The following SHB variants were observed in gnomAD, a reference collection of about 807,000 sequenced individuals.
The protein encoded by SHB is SH2 domain containing adaptor protein B, also known as SH2 domain-containing adapter protein B.
Under a neutral mutation model 52.3 loss-of-function variants are expected in SHB, and 20 were observed. The ratio of observed to expected loss-of-function variants is 0.38; its 90% CI spans 0.27 to 0.56. SHB has a LOEUF of 0.56. SHB is among the 20% of genes least tolerant of loss of function. SHB has a pLI of 0.71. For synonymous variants in SHB, 397 were observed against 316.5 expected (o/e 1.25, Z -2.70); for missense variants, 825 against 723.3 (o/e 1.14, Z -1.61).
chr9:37,958,849 G>A (rs1832663615), intron 3 of SHB, among the ~76,000 whole-genome samples: 1 of 152,170 alleles, frequency 6.6e-6, no homozygotes, highest in Non-Finnish European at 1.5e-5. Context: ...GGGACATATG[G>A]TCTTGGACAG....
intron 2 of SHB, among the ~76,000 whole-genome samples, chr9:37,990,879 G>A (rs930404653): frequency 7.2e-5 from 11 of 152,190 alleles, no homozygotes; most frequent in African/African-American, 2.2e-4. Flanking sequence ...ATGTTTGGCA[G>A]GATAGAATTA....
intron 1 of SHB, among the ~76,000 whole-genome samples, chr9:38,023,787 C>T (rs1335829809): frequency 6.6e-6 from 1 of 152,136 alleles, no homozygotes; most frequent in African/African-American, 2.4e-5. Context: ...GTGTGACTTG[C>T]CTATGGCCAG....
chr9:38,062,212 C>T (rs1197030635), intron 1 of SHB, among the ~76,000 whole-genome samples: 1 of 152,210 alleles, frequency 6.6e-6, no homozygotes. Flanking sequence ...AGGTTTTGAA[C>T]TCAAGACTGC....
rs1456016102 is a variant in SHB, at chr9:37,918,608, C to T, written c.*1213G>A. 1.3e-5 allele frequency among the ~76,000 whole-genome samples: 2 copies of T among 152,166 alleles called. No homozygotes were observed. The highest frequency in any genetic ancestry group is 2.4e-5 in the African/African-American group (1 of 41,408). On this transcript the variant is annotated 3_prime_UTR_variant, in exon 6 of 6. Coordinates refer to ENST00000377707, the MANE Select transcript of SHB (RefSeq NM_003028.3). The stretch of plus-strand genomic sequence containing the variant: ...CCCTCCTCCATGGGCAGGGTGACAG[C>T]AAGGCCATGCAGAACCAACGAAAGA...
rs966849657 is a variant in SHB, at chr9:38,058,972, CT to C, written c.717+8956del. 3.5e-4 allele frequency among the ~76,000 whole-genome samples: 54 copies of C among 152,352 alleles called. 2 individuals are homozygous for C. The highest frequency in any genetic ancestry group is 2.8e-3 in the Admixed American group (43 of 15,310). ...TTACTTTCCTCCACAGTCCCCACCC[CT>C]GACGTAACTGTATTTACTTGACTCC... On this transcript the variant is annotated intron_variant, in intron 1 of 5. Coordinates refer to ENST00000377707, the MANE Select transcript of SHB (RefSeq NM_003028.3).
intron 4 of SHB, among the ~76,000 whole-genome samples, chr9:37,954,742 T>C (rs139615224): frequency 2.0e-4 from 31 of 152,250 alleles, no homozygotes; most frequent in Admixed American, 1.1e-3. Context: ...ACTGAAAACA[T>C]AGTTTGCAGA....
chr9:37,979,927 T>C (rs1240609369), intron 2 of SHB, among the ~76,000 whole-genome samples: 1 of 152,232 alleles, frequency 6.6e-6, no homozygotes, highest in Non-Finnish European at 1.5e-5. Flanking sequence ...TAAAAAAATG[T>C]AGAACCTTAA....
chr9:38,017,921 C>T (rs2118082206), intron 1 of SHB, among the ~76,000 whole-genome samples: 1 of 152,302 alleles, frequency 6.6e-6, no homozygotes, highest in Middle Eastern at 3.4e-3. Flanking sequence ...AAACTGCTGT[C>T]AAACGGAACA....
intron 5 of SHB, among the ~76,000 whole-genome samples, chr9:37,931,454 A>C (rs1372916470): frequency 2.6e-5 from 4 of 152,244 alleles, no homozygotes; most frequent in Non-Finnish European, 4.4e-5. Flanking sequence ...TCTCCAAAGA[A>C]GACATAAAAA....
chr9:38,033,335 C>A (rs1821440468), intron 1 of SHB, among the ~76,000 whole-genome samples: 1 of 152,212 alleles, frequency 6.6e-6, no homozygotes, highest in Non-Finnish European at 1.5e-5. Flanking sequence ...ACACCAGTGA[C>A]TGGGGCCAGC....
intron 1 of SHB, among the ~76,000 whole-genome samples, chr9:38,021,636 C>G (rs1419608109): frequency 1.3e-5 from 2 of 151,914 alleles, no homozygotes; most frequent in African/African-American, 4.8e-5. Flanking sequence ...CCACTGCACT[C>G]CAGCCTGGGT....
intron 1 of SHB, among the ~76,000 whole-genome samples, chr9:38,039,804 G>C (rs756779612): frequency 3.2e-4 from 48 of 152,242 alleles, no homozygotes; most frequent in Non-Finnish European, 6.2e-4. Context: ...GCAGCGGCTG[G>C]TCCAGTAGGC....
chr9:37,917,994 G>A lies in SHB; in HGVS notation c.*1827C>T, dbSNP rs1832122725. 6.6e-6 allele frequency among the ~76,000 whole-genome samples: 1 copy of A among 152,238 alleles called. No homozygotes were observed. The highest frequency in any genetic ancestry group is 2.4e-5 in the African/African-American group (1 of 41,460). ...GGGCTCAGTCCCAGCTCGACACGTG[G>A]CCTTGGCGAGTCCTCCTTCTCCGGG... On this transcript the variant is annotated 3_prime_UTR_variant, in exon 6 of 6. Coordinates refer to ENST00000377707, the MANE Select transcript of SHB (RefSeq NM_003028.3).
intron 5 of SHB, among the ~76,000 whole-genome samples, chr9:37,942,922 C>A (rs554466167): frequency 2.0e-5 from 3 of 152,082 alleles, no homozygotes; most frequent in African/African-American, 7.2e-5. Flanking sequence ...ACTGGGGGGA[C>A]AGGGAGGCAG....
chr9:38,065,172 A>C (rs1487809622), intron 1 of SHB, among the ~76,000 whole-genome samples: 2 of 152,150 alleles, frequency 1.3e-5, no homozygotes, highest in Non-Finnish European at 2.9e-5. Flanking sequence ...GGGCAGAAGG[A>C]AGGCCGGATC....
chr9:37,988,773 T>G (rs1209520334), intron 2 of SHB, among the ~76,000 whole-genome samples: 2 of 152,214 alleles, frequency 1.3e-5, no homozygotes, highest in Non-Finnish European at 2.9e-5. Context: ...CCCTCCTTGT[T>G]GGTGGGCCTC....
intron 1 of SHB, among the ~76,000 whole-genome samples, chr9:38,038,590 A>G (rs1821520813): frequency 6.6e-6 from 1 of 152,196 alleles, no homozygotes; most frequent in South Asian, 2.1e-4. Flanking sequence ...CAGAGAGATT[A>G]AGAAATGTGC....
chr9:38,001,406 A>G (rs1291502442), intron 2 of SHB, among the ~76,000 whole-genome samples: 3 of 152,234 alleles, frequency 2.0e-5, no homozygotes, highest in Non-Finnish European at 4.4e-5. Flanking sequence ...TTACAGCTCC[A>G]TGGCTAGTGT....
intron 2 of SHB, among the ~76,000 whole-genome samples, chr9:38,012,073 C>A (rs539521175): frequency 1.3e-5 from 2 of 152,080 alleles, no homozygotes; most frequent in African/African-American, 2.4e-5. Flanking sequence ...TGAGAGGAGC[C>A]CCTGGGAGAA....
Sources: allele counts gnomAD v4.1 joint callset (sites outside exome capture counted in the v4.1 genomes callset), GRCh38; gene constraint gnomAD v4.1.1; transcripts MANE v1.5; gene names NCBI Gene and HGNC (gene_info 2026-07-23, HGNC 2026-07-21).